RBFOX1: variants seen among roughly 807,000 people sequenced by gnomAD.
RBFOX1 encodes RNA binding fox-1 homolog 1.
Under a neutral mutation model 57.7 loss-of-function variants are expected in RBFOX1, and 8 were observed. The observed-to-expected ratio is 0.14, with a 90% CI of 0.08 to 0.25. The LOEUF (loss-of-function observed/expected upper bound fraction) is 0.25. RBFOX1 is among the 10% of genes least tolerant of loss of function. The pLI is 1.00. For missense variants in RBFOX1, 611 were observed against 548.5 expected (o/e 1.11, Z -1.14); for synonymous variants, 326 against 222.4 (o/e 1.47, Z -4.15).
At chr16:6,205,499 A>G (rs1707531139) in intron 1 of RBFOX1, among the ~76,000 whole-genome samples, 2 of 152,188 alleles carry the variant, frequency 1.3e-5, no homozygotes, top group Admixed American at 6.5e-5. Context: ...ATAAATATGT[A>G]TGCACATTTA....
chr16:6,578,675 CAGAG>C (rs909686061), intron 2 of RBFOX1, among the ~76,000 whole-genome samples: 4 of 144,008 alleles, frequency 2.8e-5, no homozygotes, highest in South Asian at 2.2e-4. Flanking sequence ...GAGAGAACCC[CAGAG>C]AGAGAGAAAC....
intron 4 of RBFOX1, among the ~76,000 whole-genome samples, chr16:7,101,879 G>A (rs749213354): frequency 6.6e-6 from 1 of 152,068 alleles, no homozygotes; most frequent in Non-Finnish European, 1.5e-5. Context: ...TGTACAGTTG[G>A]TAAACTGTAC....
Position 7,294,009 on chromosome 16 carries a change from A to G in RBFOX1, c.28-224138A>G, listed in dbSNP as rs2095844208. On this transcript the variant is annotated intron_variant, in intron 4 of 15. Transcript: ENST00000550418. The stretch of plus-strand genomic sequence containing the variant: ...ACTCATCTTGTACTTTAAAGATAAA[A>G]TTTCTGAGCATTTCTGGGGTCAAAG... Among the ~76,000 whole-genome samples, 4 of 152,090 alleles carry G rather than the reference A, an allele frequency of 2.6e-5. No homozygotes were observed. The South Asian group carries it at 8.3e-4, about 32-fold the overall frequency.
chr16:6,643,246 G>C (rs543613903), intron 2 of RBFOX1, among the ~76,000 whole-genome samples: 62 of 152,234 alleles, frequency 4.1e-4, no homozygotes, highest in Non-Finnish European at 8.2e-4. Context: ...TGGTGCTTTC[G>C]GTATTTTTTG....
chr16:7,394,099 C>G (rs150730311), intron 4 of RBFOX1, among the ~76,000 whole-genome samples: 1 of 151,564 alleles, frequency 6.6e-6, no homozygotes, highest in Non-Finnish European at 1.5e-5. Context: ...AGCCGGGTGT[C>G]CTGGTGCGTG....
At chr16:6,536,763 G>T (rs1163493852) in intron 2 of RBFOX1, among the ~76,000 whole-genome samples, 2 of 152,164 alleles carry the variant, frequency 1.3e-5, no homozygotes, top group African/African-American at 4.8e-5. Flanking sequence ...AGATTAAAGA[G>T]AGATTAACAA....
intron 1 of RBFOX1, among the ~76,000 whole-genome samples, chr16:5,456,215 G>A (rs1216093142): frequency 6.6e-6 from 1 of 152,132 alleles, no homozygotes; most frequent in East Asian, 1.9e-4. Flanking sequence ...ATGTTGAAAT[G>A]TCATTTCAAC....
At chr16:6,272,347 A>G (rs528619903) in intron 1 of RBFOX1, among the ~76,000 whole-genome samples, 2 of 152,202 alleles carry the variant, frequency 1.3e-5, no homozygotes, top group Non-Finnish European at 2.9e-5. Flanking sequence ...TGATACCACA[A>G]TTAAAAATGC....
At chr16:7,195,992 T>C (rs959562895) in intron 4 of RBFOX1, among the ~76,000 whole-genome samples, 3 of 152,154 alleles carry the variant, frequency 2.0e-5, no homozygotes, top group African/African-American at 7.2e-5. Flanking sequence ...CTAAGGAGTT[T>C]CTTCCAGGCT....
chr16:7,336,974 C>T (rs935073497), intron 4 of RBFOX1, among the ~76,000 whole-genome samples: 1 of 152,100 alleles, frequency 6.6e-6, no homozygotes, highest in African/African-American at 2.4e-5. Flanking sequence ...GTCCTAGACC[C>T]TGCTGAGGGC....
chr16:6,570,060 C>T (rs537638760), intron 2 of RBFOX1, among the ~76,000 whole-genome samples: 16 of 152,244 alleles, frequency 1.1e-4, no homozygotes, highest in African/African-American at 3.4e-4. Context: ...TGTTGTCATG[C>T]GCTTGAAGTA....
chr16:7,499,872 A>G (rs999279978), intron 4 of RBFOX1, among the ~76,000 whole-genome samples: 5 of 151,880 alleles, frequency 3.3e-5, no homozygotes, highest in African/African-American at 1.2e-4. Flanking sequence ...AGACTTCTAC[A>G]CTGTGAGTAT....
chr16:6,703,485 G>A (rs1217661353), intron 3 of RBFOX1, among the ~76,000 whole-genome samples: 2 of 145,188 alleles, frequency 1.4e-5, no homozygotes, highest in African/African-American at 5.2e-5. Flanking sequence ...GCTGAGATGG[G>A]AGGATTGCTT....
At chr16:6,608,882 A>G (rs1425707352) in intron 2 of RBFOX1, among the ~76,000 whole-genome samples, 1 of 152,152 alleles carries the variant, frequency 6.6e-6, no homozygotes, top group East Asian at 1.9e-4. Flanking sequence ...TTTTTTCTTG[A>G]GCCTGTAGAG....
At position 6,506,624 on chromosome 16, in the gene RBFOX1, A is replaced by ATTTTTTTTTTTTTTTTTTTT. The variant is rs71145238; in HGVS notation, c.-63-147957_-63-147938dup. ...ACGGTAATAACAATCACAGTAGCTA[A>ATTTTTTTTTTTTTTTTTTTT]TTTTTTTTTTTTTTTTTTTTTTTTT... is the stretch of plus-strand genomic sequence containing the variant. On this transcript the variant is annotated intron_variant, in intron 2 of 15. Transcript: ENST00000550418. Among the ~76,000 whole-genome samples the ATTTTTTTTTTTTTTTTTTTT allele has an allele frequency of 5.1e-5, 5 of 98,460 alleles. 2 individuals are homozygous for ATTTTTTTTTTTTTTTTTTTT. The highest frequency in any genetic ancestry group is 1.7e-4 in the African/African-American group (4 of 22,974). The allele number at this position is 98,460 out of a possible 152,430, so 64.6% of individuals were successfully genotyped here.
In RBFOX1 at chr16:5,764,212, G is replaced by C. The variant is rs1010372946; in HGVS notation, c.319-103091G>C. 2.0e-5 allele frequency among the ~76,000 whole-genome samples: 3 copies of C among 152,178 alleles called. No homozygotes were observed. In the South Asian group the frequency reaches 6.2e-4, roughly 31 times the overall value. On this transcript the variant is annotated intron_variant, in intron 3 of 19. Coordinates refer to the RBFOX1 transcript ENST00000641259. Reference sequence around the variant, plus strand: ...CTCCAGCTCACAGCCAATGTCATCTGGACACCACATCATGGTTAGATGGGC... The same window carrying C: ...CTCCAGCTCACAGCCAATGTCATCTCGACACCACATCATGGTTAGATGGGC...
intron 4 of RBFOX1, among the ~76,000 whole-genome samples, chr16:7,360,597 C>A (rs1447068668): frequency 6.6e-6 from 1 of 152,164 alleles, no homozygotes; most frequent in Non-Finnish European, 1.5e-5. Context: ...AAGGACGTTT[C>A]CTGTAGGCCA....
At chr16:6,563,843 T>C (rs1312304833) in intron 2 of RBFOX1, among the ~76,000 whole-genome samples, 1 of 151,648 alleles carries the variant, frequency 6.6e-6, no homozygotes, top group Non-Finnish European at 1.5e-5. Flanking sequence ...AAAATATATA[T>C]ATATGTGTGT....
chr16:5,913,833 G>A (rs557258263), intron 4 of RBFOX1, among the ~76,000 whole-genome samples: 23 of 152,284 alleles, frequency 1.5e-4, no homozygotes, highest in Admixed American at 2.6e-4. Context: ...CATTGTCTTC[G>A]TACCTATCAT....
Sources: allele counts gnomAD v4.1 joint callset (sites outside exome capture counted in the v4.1 genomes callset), GRCh38; gene constraint gnomAD v4.1.1; transcripts MANE v1.5; gene names NCBI Gene and HGNC (gene_info 2026-07-23, HGNC 2026-07-21).